EPN2: variants seen among roughly 807,000 people sequenced by gnomAD.
EPN2 encodes the protein epsin 2.
EPN2 carries 34 observed loss-of-function variants against 61.7 expected under a neutral mutation model. That is an observed-to-expected ratio of 0.55 (90% CI 0.42 to 0.73). EPN2 has a LOEUF of 0.73. Among genes scored for constraint, EPN2 ranks in the 30% least tolerant of loss-of-function variants. The pLI, the probability that EPN2 is intolerant of heterozygous loss-of-function variation, is 0.00. For missense variants in EPN2, 714 were observed against 839.2 expected (o/e 0.85, Z 1.84); for synonymous variants, 349 against 353.6 (o/e 0.99, Z 0.15).
chr17:19,315,807 A>T (rs780820515), intron 7 of EPN2, among the ~76,000 whole-genome samples: 12 of 152,180 alleles, frequency 7.9e-5, no homozygotes, highest in Non-Finnish European at 1.3e-4. Context: ...TTTAAAGCGG[A>T]CACTTCACTG....
At chr17:19,310,085 C>A in intron 5 of EPN2, 88 bp downstream of exon 5, 2 of 898,774 alleles carry the variant, frequency 2.2e-6, no homozygotes, top group Non-Finnish European at 3.6e-6. Context: ...GCAGACACAG[C>A]CCTGTCTTCA....
chr17:19,243,203 G>T (rs1328631148), intron 1 of EPN2, among the ~76,000 whole-genome samples: 4 of 148,754 alleles, frequency 2.7e-5, no homozygotes, highest in Non-Finnish European at 5.9e-5. Flanking sequence ...TTAGGGAGGG[G>T]AGGCCTGAGA....
intron 7 of EPN2, among the ~76,000 whole-genome samples, chr17:19,316,806 ACT>A (rs1906406518): frequency 6.6e-6 from 1 of 152,118 alleles, no homozygotes; most frequent in South Asian, 2.1e-4. Flanking sequence ...CAGTTCTGGC[ACT>A]CTGCTTTCAA....
At chr17:19,262,192 A>T (rs898226530) in intron 1 of EPN2, among the ~76,000 whole-genome samples, 2 of 150,588 alleles carry the variant, frequency 1.3e-5, no homozygotes, top group African/African-American at 4.9e-5. Context: ...ATCTAAAAAA[A>T]AACAGGCCAG....
chr17:19,294,798 T>C (rs1448829723), intron 4 of EPN2, among the ~76,000 whole-genome samples: 2 of 152,182 alleles, frequency 1.3e-5, no homozygotes, highest in Non-Finnish European at 2.9e-5. Flanking sequence ...CCCCAGGTAC[T>C]GCGGTGGCAC....
At chr17:19,330,908 G>C (rs531877311) in intron 9 of EPN2, among the ~76,000 whole-genome samples, 15 of 152,164 alleles carry the variant, frequency 9.9e-5, no homozygotes, top group Non-Finnish European at 2.1e-4. Context: ...AGGCTAAGGC[G>C]GGAGGATCCC....
intron 7 of EPN2, among the ~76,000 whole-genome samples, chr17:19,315,446 C>T (rs1316050480): frequency 6.6e-6 from 1 of 152,122 alleles, no homozygotes; most frequent in Non-Finnish European, 1.5e-5. Context: ...GTGAATCTGC[C>T]CTCCCAAATT....
intron 4 of EPN2, among the ~76,000 whole-genome samples, chr17:19,294,302 C>G (rs765888789): frequency 5.3e-5 from 8 of 152,052 alleles, no homozygotes; most frequent in African/African-American, 4.8e-5. Context: ...CCTGTAGTCC[C>G]AGCTACTTTG....
chr17:19,277,468 CT>C (rs752165320), intron 1 of EPN2, among the ~76,000 whole-genome samples: 11 of 150,274 alleles, frequency 7.3e-5, no homozygotes, highest in Non-Finnish European at 4.4e-5. Context: ...ATGTTTGGAG[CT>C]TGGAGCTTGC....
At chr17:19,290,152 A>G (rs2045448727) in intron 4 of EPN2, among the ~76,000 whole-genome samples, 1 of 152,052 alleles carries the variant, frequency 6.6e-6, no homozygotes, top group Admixed American at 6.5e-5. Context: ...AGTGCTCAGG[A>G]CAGTTGTGTG....
chr17:19,259,797 A>AC (rs2152207357), intron 1 of EPN2, among the ~76,000 whole-genome samples: 1 of 152,138 alleles, frequency 6.6e-6, no homozygotes, highest in South Asian at 2.1e-4. Context: ...TGAGAGAGCG[A>AC]CCCCTCGCTC....
chr17:19,328,458 C>T lies in EPN2; in HGVS notation c.1148-253C>T, dbSNP rs116304751. ...AGAGAACCTCTTTCAGCTGCTTCCT[C>T]TGGTCATTACTAGAGGACAGGGAGA... On this transcript the variant is annotated intron_variant, in intron 7 of 10. Coordinates refer to ENST00000314728, the MANE Select transcript of EPN2 (RefSeq NM_014964.5). Among the ~76,000 whole-genome samples the T allele has an allele frequency of 5.0e-3, 763 of 152,232 alleles. 4 individuals are homozygous for T. Among genetic ancestry groups the T allele is most frequent in the African/African-American group, 0.018 (744 of 41,512 alleles).
At chr17:19,250,061 A>G (rs563989716) in intron 1 of EPN2, among the ~76,000 whole-genome samples, 1 of 151,374 alleles carries the variant, frequency 6.6e-6, no homozygotes, top group Non-Finnish European at 1.5e-5. Flanking sequence ...ATAATCCAGG[A>G]TACTATGTTT....
chr17:19,326,916 C>G (rs1906904469), intron 7 of EPN2, among the ~76,000 whole-genome samples: 1 of 151,984 alleles, frequency 6.6e-6, no homozygotes, highest in Non-Finnish European at 1.5e-5. Flanking sequence ...TCATGAGTGA[C>G]CCATGAGTAT....
chr17:19,318,852 G>A (rs1031401640), intron 7 of EPN2, among the ~76,000 whole-genome samples: 4 of 152,020 alleles, frequency 2.6e-5, no homozygotes, highest in Non-Finnish European at 5.9e-5. Context: ...TTCAGAACCC[G>A]TGCAGTGGAG....
intron 4 of EPN2, among the ~76,000 whole-genome samples, chr17:19,302,979 C>T (rs548896985): frequency 2.8e-4 from 43 of 152,192 alleles, no homozygotes; most frequent in Non-Finnish European, 4.6e-4. Context: ...GGAAGAGTTC[C>T]CTCTGGGCGA....
intron 4 of EPN2, 138 bp from the exon 5 acceptor site, chr17:19,309,747 C>T: frequency 3.0e-6 from 2 of 675,346 alleles, no homozygotes; most frequent in Non-Finnish European, 2.7e-6. Context: ...CTTTCCTTTC[C>T]TCTGCCTGCA....
chr17:19,324,553 A>G (rs1445909220), intron 7 of EPN2, among the ~76,000 whole-genome samples: 2 of 152,080 alleles, frequency 1.3e-5, no homozygotes, highest in East Asian at 3.9e-4. Context: ...GGCTGGTCTC[A>G]AGCTCCCGAC....
At chr17:19,277,400 CAAA>C (rs58679739) in intron 1 of EPN2, among the ~76,000 whole-genome samples, 17 of 75,450 alleles carry the variant, frequency 2.3e-4, no homozygotes, top group Admixed American at 5.2e-4. Context: ...GACTCTGTCT[CAAA>C]AAAAAAAAAA....
Sources: gnomAD v4.1 joint callset for allele counts (sites outside exome capture counted in the v4.1 genomes callset) on GRCh38, gnomAD v4.1.1 for gene constraint, MANE v1.5 for transcripts, NCBI Gene and HGNC (gene_info 2026-07-23, HGNC 2026-07-21) for gene names.